Variants in RASSF3 observed in about 807,000 individuals in gnomAD.
RASSF3 encodes Ras association domain family member 3, also known as ras association domain-containing protein 3.
Under a neutral mutation model 19.9 loss-of-function variants are expected in RASSF3, and 19 were observed. The observed-to-expected ratio is 0.96, with a 90% CI of 0.67 to 1.40. The LOEUF (loss-of-function observed/expected upper bound fraction) is 1.40. RASSF3 is among the 40% of genes most tolerant of loss of function. The probability of loss-of-function intolerance (pLI) is 0.00; values close to 1 mark genes in which losing one functional copy is unlikely to be tolerated. For missense variants in RASSF3, 306 were observed against 289.8 expected (o/e 1.06, Z -0.41); for synonymous variants, 110 against 104.2 (o/e 1.06, Z -0.34).
intron 2 of RASSF3, among the ~76,000 whole-genome samples, chr12:64,687,299 G>T (rs1873395519): frequency 6.6e-6 from 1 of 152,044 alleles, no homozygotes; most frequent in African/African-American, 2.4e-5. Context: ...ACTGCGCCTG[G>T]CCCCAAATAT....
chr12:64,571,400 A>G (rs1010552339), intron 2 of RASSF3, among the ~76,000 whole-genome samples: 1 of 152,092 alleles, frequency 6.6e-6, no homozygotes, highest in Non-Finnish European at 1.5e-5. Context: ...GGCCACAGGA[A>G]ACGAGAACAT....
chr12:64,621,579 G>GT (rs1870766709), intron 1 of RASSF3, among the ~76,000 whole-genome samples: 1 of 152,216 alleles, frequency 6.6e-6, no homozygotes, highest in South Asian at 2.1e-4. Context: ...CCAGGTTCAA[G>GT]TGATTCTCCT....
intron 1 of RASSF3, chr12:64,628,419 T>A (rs1022102457): frequency 6.6e-6 from 1 of 152,258 alleles, no homozygotes; most frequent in Non-Finnish European, 1.5e-5. Context: ...GCCACTATAC[T>A]TCCTGGAAGA....
At chr12:64,668,782 C>T (rs1044967038) in intron 1 of RASSF3, among the ~76,000 whole-genome samples, 5 of 150,428 alleles carry the variant, frequency 3.3e-5, no homozygotes, top group African/African-American at 1.2e-4. Context: ...TCCGGGTTCA[C>T]GCCATTCTCC....
intron 2 of RASSF3, among the ~76,000 whole-genome samples, chr12:64,569,878 C>T (rs61931570): frequency 0.38 from 58,017 of 152,022 alleles, 11,294 homozygotes; most frequent in Middle Eastern, 0.42. Context: ...GGCAGGAGAA[C>T]TGCTTGAACC....
chr12:64,573,380 TATTC>T (rs1869549735), intron 2 of RASSF3, among the ~76,000 whole-genome samples: 1 of 152,224 alleles, frequency 6.6e-6, no homozygotes, highest in South Asian at 2.1e-4. Context: ...CAGTAGTGAT[TATTC>T]ATTAAGTGCT....
At chr12:64,585,181 G>A (rs1483478431) in intron 2 of RASSF3, among the ~76,000 whole-genome samples, 1 of 152,084 alleles carries the variant, frequency 6.6e-6, no homozygotes, top group African/African-American at 2.4e-5. Flanking sequence ...ACCGCACCCG[G>A]CCAGAATATT....
chr12:64,687,221 CGAACTCCTGACCTCCAGT>C (rs933897396), intron 2 of RASSF3, among the ~76,000 whole-genome samples: 5 of 151,798 alleles, frequency 3.3e-5, no homozygotes, highest in Admixed American at 1.3e-4. Flanking sequence ...AGGCTGGTCT[CGAACTCCTGACCTCCAGT>C]GGTCTGCTCG....
At chr12:64,529,106 A>G (rs1176139924), upstream of RASSF3, among the ~76,000 whole-genome samples, 1 of 152,248 alleles carries the variant, frequency 6.6e-6, no homozygotes, top group Non-Finnish European at 1.5e-5. Flanking sequence ...ATGAAATGCA[A>G]GTAGCTTTTA....
At chr12:64,584,211 G>T (rs1476127861) in intron 2 of RASSF3, among the ~76,000 whole-genome samples, 2 of 152,176 alleles carry the variant, frequency 1.3e-5, no homozygotes, top group African/African-American at 4.8e-5. Context: ...TTTCTGCAGG[G>T]CAGTTCTCAA....
intron 1 of RASSF3, among the ~76,000 whole-genome samples, chr12:64,659,112 G>C (rs771903723): frequency 6.6e-6 from 1 of 152,040 alleles, no homozygotes; most frequent in Non-Finnish European, 1.5e-5. Flanking sequence ...CAGTGACCAA[G>C]AGCCCAGAGA....
intron 2 of RASSF3, among the ~76,000 whole-genome samples, chr12:64,581,886 G>C (rs1464569617): frequency 3.0e-5 from 4 of 132,012 alleles, no homozygotes; most frequent in African/African-American, 5.7e-5. Context: ...TTTGTTTTTT[G>C]AGACAAGATC....
chr12:64,655,281 A>G (rs1009099750), intron 1 of RASSF3, among the ~76,000 whole-genome samples: 9 of 152,216 alleles, frequency 5.9e-5, no homozygotes, highest in Non-Finnish European at 1.3e-4. Flanking sequence ...AAGAGGATGC[A>G]ACATCAGGAT....
intron 1 of RASSF3, chr12:64,654,654 G>A (rs1209288384): frequency 1.5e-5 from 1 of 68,490 alleles, no homozygotes; most frequent in Non-Finnish European, 3.1e-5. Flanking sequence ...GGGGGGGGGG[G>A]GGTGGGGGGA....
chr12:64,619,815 A>G (rs1488528388), intron 1 of RASSF3, among the ~76,000 whole-genome samples: 1 of 152,002 alleles, frequency 6.6e-6, no homozygotes, highest in Non-Finnish European at 1.5e-5. Context: ...CCCCGTCTCT[A>G]CTAAAAATAC....
At chr12:64,561,671 C>T (rs1869348851) in intron 2 of RASSF3, among the ~76,000 whole-genome samples, 1 of 151,700 alleles carries the variant, frequency 6.6e-6, no homozygotes, top group African/African-American at 2.4e-5. Flanking sequence ...GGAGTCACAA[C>T]CATTCCTGCT....
chr12:64,682,499 G>A (rs1035316441), intron 1 of RASSF3, among the ~76,000 whole-genome samples: 8 of 151,592 alleles, frequency 5.3e-5, no homozygotes, highest in Admixed American at 5.3e-4. Context: ...CCCAGGAGGC[G>A]GAGGTTGCAG....
At chr12:64,541,287 A>G (rs73315593) in intron 1 of RASSF3, among the ~76,000 whole-genome samples, 4,927 of 152,234 alleles carry the variant, frequency 0.032, 275 homozygotes, top group African/African-American at 0.11. Flanking sequence ...CGCCCGGCCA[A>G]TGTTGTCTTA....
intron 1 of RASSF3, among the ~76,000 whole-genome samples, chr12:64,675,656 A>G (rs1237823452): frequency 7.9e-5 from 12 of 152,070 alleles, no homozygotes; most frequent in Non-Finnish European, 1.6e-4. Context: ...TGTTCATTCC[A>G]GTTGCCCTCT....
Sources: allele counts gnomAD v4.1 joint callset (sites outside exome capture counted in the v4.1 genomes callset), GRCh38; gene constraint gnomAD v4.1.1; transcripts MANE v1.5; gene names NCBI Gene and HGNC (gene_info 2026-07-23, HGNC 2026-07-21).